The following CEP63 variants were observed in gnomAD, a reference collection of about 807,000 sequenced individuals.
The protein encoded by CEP63 is centrosomal protein 63, also known as centrosomal protein of 63 kDa.
CEP63 carries 84 observed loss-of-function variants against 89.1 expected under a neutral mutation model. The ratio of observed to expected loss-of-function variants is 0.94; its 90% CI spans 0.79 to 1.13. The LOEUF is 1.13. Ranked by LOEUF, CEP63 falls within the 50% of genes most tolerant of loss-of-function variation. The pLI, the probability that CEP63 is intolerant of heterozygous loss-of-function variation, is 0.00. For synonymous variants in CEP63, 267 were observed against 272.5 expected (o/e 0.98, Z 0.20); for missense variants, 838 against 813.3 (o/e 1.03, Z -0.37).
chr3:134,700,252 C>T, the CEP63 span, among the ~76,000 whole-genome samples: 1 of 151,014 alleles, frequency 6.6e-6, no homozygotes, highest in East Asian at 1.9e-4. Flanking sequence ...TCTCCACTTC[C>T]ATTCCTGCCG....
intron 1 of CEP63, among the ~76,000 whole-genome samples, chr3:134,490,339 T>G (rs578201457): frequency 1.3e-5 from 2 of 152,142 alleles, no homozygotes; most frequent in South Asian, 4.2e-4. Context: ...ATAGAATTAG[T>G]TTTTTTTCCT....
Position 134,545,652 on chromosome 3 carries a change from C to A in CEP63, c.622C>A (p.His208Asn). The A allele has an allele frequency of 1.2e-6, 2 of 1,614,102 alleles. No individual in the cohort carries two copies. Among genetic ancestry groups the A allele is most frequent in the Non-Finnish European group, 1.7e-6 (2 of 1,180,024 alleles). Residue 208 changes from histidine (H) to asparagine (N), a missense_variant, in exon 7 of 15, where the codon CAC becomes AAC. Physicochemically the swap from His to Asn is moderately conservative, Grantham distance 68. Transcript: ENST00000675561. ...ACTTTCTAGCCAATCAGAAATTCAA[C>A]ACTTAAGCAGTAAACTGGAGCGGGC... ...VELSSQSEIQ[H>N]LSSKLERAND...
chr3:134,515,048 G>T (rs543011436), intron 3 of CEP63, among the ~76,000 whole-genome samples: 1 of 152,252 alleles, frequency 6.6e-6, no homozygotes, highest in African/African-American at 2.4e-5. Context: ...TAACGTATAT[G>T]TAAAATTATG....
At chr3:134,748,584 A>C in the CEP63 span, among the ~76,000 whole-genome samples, 1 of 152,146 alleles carries the variant, frequency 6.6e-6, no homozygotes, top group Admixed American at 6.5e-5. Flanking sequence ...TGAGCTTGCT[A>C]TGAGACCTCC....
chr3:134,588,324 A>C (rs1958527740), downstream of CEP63, among the ~76,000 whole-genome samples: 1 of 152,188 alleles, frequency 6.6e-6, no homozygotes, highest in Non-Finnish European at 1.5e-5. Flanking sequence ...AATAAAACTA[A>C]TATTAAACAT....
At chr3:134,637,429 C>T in the CEP63 span, among the ~76,000 whole-genome samples, 8 of 152,268 alleles carry the variant, frequency 5.3e-5, no homozygotes, top group African/African-American at 1.9e-4. Context: ...AATTGAGAAA[C>T]ATGTTCACTC....
intron 5 of CEP63, among the ~76,000 whole-genome samples, chr3:134,534,406 A>G (rs552897553): frequency 1.1e-4 from 16 of 152,132 alleles, no homozygotes; most frequent in African/African-American, 3.1e-4. Context: ...CAGACTACCA[A>G]TCCCTATCTT....
downstream of CEP63, among the ~76,000 whole-genome samples, chr3:134,591,172 G>A (rs1958589455): frequency 6.6e-6 from 1 of 152,186 alleles, no homozygotes; most frequent in African/African-American, 2.4e-5. Flanking sequence ...ACTGTAGGTA[G>A]GAAATTATTC....
At chr3:134,766,504 T>C in the CEP63 span, among the ~76,000 whole-genome samples, 2 of 152,258 alleles carry the variant, frequency 1.3e-5, no homozygotes, top group African/African-American at 4.8e-5. Flanking sequence ...TCAACCTGGA[T>C]CTTTGGTCAG....
At chr3:134,611,919 T>G in the CEP63 span, among the ~76,000 whole-genome samples, 2 of 152,226 alleles carry the variant, frequency 1.3e-5, no homozygotes, top group Non-Finnish European at 2.9e-5. Flanking sequence ...TAGCAAAATA[T>G]TGGATTAAAT....
the CEP63 span, chr3:134,650,790 G>GGGGGACCC: frequency 2.1e-4 from 320 of 1,533,910 alleles, 3 homozygotes; most frequent in South Asian, 1.3e-3. Context: ...CCAAGGTGCC[G>GGGGGACCC]GGGGACCCGG....
chr3:134,545,728 G>T lies in CEP63; in HGVS notation c.698G>T (p.Arg233Met). The T allele has an allele frequency of 6.2e-7, 1 of 1,614,110 alleles. No individual in the cohort carries two copies. Among genetic ancestry groups the T allele is most frequent in the African/African-American group, 1.3e-5 (1 of 75,034 alleles). ...TTGGAAATAGAGCGCCTCACCATGA[G>T]GGTCAATGACTTGGTTGGAACCAGT... The part of the protein sequence containing the change: ...NELEIERLTM[R>M]VNDLVGTSMT... The change falls in exon 7 of 15, where the codon AGG (arginine) becomes ATG (methionine). Residue 233 changes from arginine (R) to methionine (M), a missense_variant. Physicochemically the swap from Arg to Met is moderately conservative, Grantham distance 91 (BLOSUM62 -1). Coordinates refer to ENST00000675561, the MANE Select transcript of CEP63 (RefSeq NM_001353108.3).
the CEP63 span, among the ~76,000 whole-genome samples, chr3:134,700,002 C>T: frequency 6.6e-6 from 1 of 152,254 alleles, no homozygotes; most frequent in Admixed American, 6.5e-5. Context: ...TCAAGAGGCT[C>T]TCACTTTCAG....
At chr3:134,491,354 T>C (rs929146006) in intron 1 of CEP63, among the ~76,000 whole-genome samples, 3 of 152,212 alleles carry the variant, frequency 2.0e-5, no homozygotes, top group African/African-American at 7.2e-5. Context: ...TTTACTGTCA[T>C]TTGTATTTTT....
chr3:134,650,857 G>A, the CEP63 span: 22 of 1,608,326 alleles, frequency 1.4e-5, no homozygotes, highest in Admixed American at 1.7e-5. Context: ...GCTCGGGTTC[G>A]CCTGCTGGTC....
the CEP63 span, among the ~76,000 whole-genome samples, chr3:134,747,709 G>C: frequency 2.6e-5 from 4 of 152,126 alleles, no homozygotes; most frequent in Admixed American, 6.5e-5. Context: ...CTGGAAGAAA[G>C]GGGGGGAGAG....
At chr3:134,554,717 C>T (rs961710240) in intron 12 of CEP63, among the ~76,000 whole-genome samples, 4 of 152,134 alleles carry the variant, frequency 2.6e-5, no homozygotes, top group African/African-American at 4.8e-5. Context: ...AAAAGTGTTC[C>T]TATTTCTCCA....
intron 1 of CEP63, chr3:134,486,452 T>A: frequency 1.0e-6 from 1 of 985,522 alleles, no homozygotes. Context: ...CCCTGCACAC[T>A]GGCGGAGTCT....
chr3:134,630,791 T>C, the CEP63 span, among the ~76,000 whole-genome samples: 1 of 152,024 alleles, frequency 6.6e-6, no homozygotes. Flanking sequence ...AAGGAAAAGA[T>C]AACCAACAGA....
Sources: allele counts gnomAD v4.1 joint callset (sites outside exome capture counted in the v4.1 genomes callset), GRCh38; gene constraint gnomAD v4.1.1; transcripts MANE v1.5; gene names NCBI Gene and HGNC (gene_info 2026-07-23, HGNC 2026-07-21).